Variants in KIF5C observed in about 807,000 individuals in gnomAD.
The protein encoded by KIF5C is kinesin heavy chain isoform 5C.
A neutral mutation model predicts 125.2 loss-of-function variants in KIF5C; 18 were observed. The observed-to-expected ratio is 0.14, with a 90% CI of 0.10 to 0.21. The LOEUF is 0.21. KIF5C is among the 10% of genes least tolerant of loss of function. KIF5C has a pLI of 1.00. For missense variants in KIF5C, 780 were observed against 1,183.8 expected (o/e 0.66, Z 5.01); for synonymous variants, 405 against 434.0 (o/e 0.93, Z 0.83).
intron 7 of KIF5C, 146 bp from the exon 8 acceptor site, chr2:148,946,751 CAG>C (rs1392562255): frequency 1.3e-5 from 14 of 1,105,148 alleles, no homozygotes; most frequent in African/African-American, 1.7e-5. Flanking sequence ...TCAGAAGAAA[CAG>C]GGGTCTCAGA....
At chr2:148,911,353 G>C (rs976179441) in intron 1 of KIF5C, among the ~76,000 whole-genome samples, 3 of 152,190 alleles carry the variant, frequency 2.0e-5, no homozygotes, top group African/African-American at 7.2e-5. Context: ...AGAGAATGCA[G>C]CATCCAGGGG....
intron 25 of KIF5C, among the ~76,000 whole-genome samples, chr2:149,012,300 A>G (rs1682231339): frequency 6.6e-6 from 1 of 152,254 alleles, no homozygotes; most frequent in Non-Finnish European, 1.5e-5. Flanking sequence ...GAAGAAGCAG[A>G]GAGCGAAAAC....
At chr2:148,899,658 G>A (rs903267716) in intron 1 of KIF5C, among the ~76,000 whole-genome samples, 2 of 143,346 alleles carry the variant, frequency 1.4e-5, no homozygotes, top group African/African-American at 5.3e-5. Context: ...AGCCGAGGTC[G>A]CGCCACTGCT....
chr2:149,026,181 G>T lies in KIF5C; in HGVS notation c.*3111G>T, dbSNP rs1682682984. The T allele has an allele frequency of 6.6e-6, 1 of 152,556 alleles. No individual in the cohort carries two copies. Among genetic ancestry groups the T allele is most frequent in the South Asian group, 2.1e-4 (1 of 4,820 alleles). The allele number at this position is 152,556 out of a possible 1,614,324, so 9.5% of individuals were successfully genotyped here. ...TATGACATACTGGGAAAGGCAGAGG[G>T]TGGAGGGAAGATTTCACTTCATTGT... On this transcript the variant is annotated 3_prime_UTR_variant, in exon 26 of 26. Coordinates refer to ENST00000435030, the MANE Select transcript of KIF5C (RefSeq NM_004522.3).
At chr2:148,999,510 G>GCT (rs1465898102) in intron 19 of KIF5C, among the ~76,000 whole-genome samples, 1 of 152,204 alleles carries the variant, frequency 6.6e-6, no homozygotes. Context: ...TGTGACCCAG[G>GCT]CTCGGTGCCC....
In KIF5C at chr2:148,957,592, T is replaced by TAA. The variant is rs201033625; in HGVS notation, c.969-4355_969-4354dup. On this transcript the variant is annotated intron_variant, in intron 10 of 25. Coordinates refer to ENST00000435030, the MANE Select transcript of KIF5C (RefSeq NM_004522.3). ...CTAGATAGGAGAATGTTTGTTCTAG[T>TAA]AAAAAAAAAAAAAAAAAAAAAAAAA... 1.5e-3 allele frequency among the ~76,000 whole-genome samples: 110 copies of TAA among 71,768 alleles called. 2 individuals are homozygous for TAA. Among genetic ancestry groups the TAA allele is most frequent in the South Asian group, 7.4e-3 (13 of 1,756 alleles). The allele number at this position is 71,768 out of a possible 152,430, so 47.1% of individuals were successfully genotyped here.
chr2:149,015,148 A>G (rs1682323960), intron 25 of KIF5C, among the ~76,000 whole-genome samples: 1 of 152,232 alleles, frequency 6.6e-6, no homozygotes. Context: ...AGATTGTGCC[A>G]CTGCACTCCA....
intron 25 of KIF5C, among the ~76,000 whole-genome samples, chr2:149,013,048 G>T (rs1435857527): frequency 1.3e-5 from 2 of 152,180 alleles, no homozygotes; most frequent in Non-Finnish European, 2.9e-5. Context: ...GAAGAGGAAG[G>T]GCCTGGGCTT....
intron 1 of KIF5C, among the ~76,000 whole-genome samples, chr2:148,911,488 A>G (rs1237597833): frequency 6.6e-6 from 1 of 152,200 alleles, no homozygotes; most frequent in Non-Finnish European, 1.5e-5. Flanking sequence ...AAGCCCTTTA[A>G]GAAGGCAGAT....
chr2:148,919,964 A>G (rs2105079135), intron 1 of KIF5C, among the ~76,000 whole-genome samples: 1 of 152,364 alleles, frequency 6.6e-6, no homozygotes, highest in African/African-American at 2.4e-5. Context: ...GAATCGCTGT[A>G]TTATCTGTTT....
At chr2:148,890,443 G>A (rs1044489707) in intron 1 of KIF5C, among the ~76,000 whole-genome samples, 20 of 152,000 alleles carry the variant, frequency 1.3e-4, no homozygotes, top group Non-Finnish European at 2.6e-4. Context: ...GGAGGCTGCA[G>A]GTAGCTATGA....
intron 10 of KIF5C, among the ~76,000 whole-genome samples, chr2:148,960,672 A>G (rs1682904487): frequency 6.6e-6 from 1 of 152,196 alleles, no homozygotes; most frequent in African/African-American, 2.4e-5. Flanking sequence ...TTTAGCAATG[A>G]ATTTTTGGAA....
chr2:148,991,628 CTG>C (rs994498891), intron 16 of KIF5C, among the ~76,000 whole-genome samples: 12 of 152,272 alleles, frequency 7.9e-5, no homozygotes, highest in African/African-American at 2.9e-4. Context: ...GTACCATACA[CTG>C]TGCTAAGTAC....
chr2:148,875,575 G>GGGCCCCCCCCCCCCCCCCCCCCCCCCC lies in KIF5C; in HGVS notation c.-43_-42insGGCCCCCCCCCCCCCCCCCCCCCCCCC. 1 of 699,604 alleles carries GGGCCCCCCCCCCCCCCCCCCCCCCCCC rather than the reference G, an allele frequency of 1.4e-6. No homozygotes were observed. The highest frequency in any genetic ancestry group is 2.6e-6 in the Non-Finnish European group (1 of 389,230). 43.3% of individuals were successfully genotyped at this position (699,604 alleles called of 1,614,324 possible). On this transcript the variant is annotated 5_prime_UTR_variant, in exon 1 of 26. Transcript: ENST00000435030. ...TCCTCCCTCGTCGTTCCCGGCCCCG[G>GGGCCCCCCCCCCCCCCCCCCCCCCCCC]CCCCCCACCCATCCCCGTGCCCCCT... is the stretch of plus-strand genomic sequence containing the variant.
chr2:148,882,752 C>T (rs1359379710), intron 1 of KIF5C, among the ~76,000 whole-genome samples: 1 of 152,192 alleles, frequency 6.6e-6, no homozygotes, highest in Non-Finnish European at 1.5e-5. Context: ...CCCCTGTCTC[C>T]CCATTCTGCC....
chr2:148,970,913 C>G (rs1680881973), intron 11 of KIF5C, among the ~76,000 whole-genome samples: 1 of 152,166 alleles, frequency 6.6e-6, no homozygotes, highest in Admixed American at 6.6e-5. Flanking sequence ...TATCTTACCT[C>G]TTTACTTGGA....
At position 149,011,636 on chromosome 2, in the gene KIF5C, G is replaced by A. The variant is rs1327520634; in HGVS notation, c.2834G>A (p.Gly945Glu). The A allele has an allele frequency of 1.9e-6, 3 of 1,614,082 alleles. No individual in the cohort carries two copies. In the Admixed American group the frequency reaches 5.0e-5, roughly 27 times the overall value. Reference sequence around the variant, plus strand: ...ACGGCCGTCCATGCCATTCGAGGGGGAGGAGGCAGCTCTTCAAATTCCACT... The same window carrying A: ...ACGGCCGTCCATGCCATTCGAGGGGAAGGAGGCAGCTCTTCAAATTCCACT... ...SPTAVHAIRG[G>E]GGSSSNSTHY... The change falls in exon 25 of 26, where the codon GGA (glycine) becomes GAA (glutamate). Residue 945 changes from glycine to glutamate, a missense_variant. By Grantham distance (98) the Gly-to-Glu change is moderately conservative. Around this residue, in one of 2 missense-constraint regions of KIF5C, gnomAD observed 573 missense variants for 742.6 expected, o/e 0.77. Transcript: ENST00000435030.
intron 1 of KIF5C, among the ~76,000 whole-genome samples, chr2:148,894,180 T>C (rs1374833389): frequency 6.6e-6 from 1 of 152,238 alleles, no homozygotes; most frequent in African/African-American, 2.4e-5. Context: ...AGAATGAAAA[T>C]AGTTTTGTAT....
chr2:149,010,175 A>G lies in KIF5C; in HGVS notation c.2591A>G (p.Lys864Arg), dbSNP rs1558947185. The change falls in exon 24 of 26, where the codon AAG becomes AGG. Residue 864 changes from lysine (K) to arginine (R), a missense_variant. Coordinates refer to ENST00000435030, the MANE Select transcript of KIF5C (RefSeq NM_004522.3). Reference sequence around the variant, plus strand: ...GCAGACCTGCGCTGTGAACTGCCCAAGCTGGAGAAGCGGCTGCGTGCCACG... The same window carrying G: ...GCAGACCTGCGCTGTGAACTGCCCAGGCTGGAGAAGCGGCTGCGTGCCACG... ...DNADLRCELP[K>R]LEKRLRATAE... The G allele has an allele frequency of 6.4e-7, 1 of 1,553,226 alleles. No homozygotes were observed. Among genetic ancestry groups the G allele is most frequent in the Admixed American group, 2.0e-5 (1 of 51,058 alleles).
Sources: gnomAD v4.1 joint callset for allele counts (sites outside exome capture counted in the v4.1 genomes callset) on GRCh38, gnomAD v4.1.1 for gene constraint, gnomAD v4.1.1 regional missense constraint, MANE v1.5 for transcripts, NCBI Gene and HGNC (gene_info 2026-07-23, HGNC 2026-07-21) for gene names.